The following CFAP299 variants were observed in gnomAD, a reference collection of about 807,000 sequenced individuals.
CFAP299 encodes cilia- and flagella-associated protein 299.
In CFAP299, 21 loss-of-function variants were observed where a neutral mutation model predicts 27.0. The ratio of observed to expected loss-of-function variants is 0.78; its 90% CI spans 0.55 to 1.12. The LOEUF is 1.12. Ranked by LOEUF, CFAP299 falls within the 50% of genes most tolerant of loss-of-function variation. The pLI, the probability that CFAP299 is intolerant of heterozygous loss-of-function variation, is 0.00. For missense variants in CFAP299, 310 were observed against 276.6 expected, an observed-to-expected ratio of 1.12 and a Z score of -0.86; for synonymous variants, 104 against 98.1, an observed-to-expected ratio of 1.06 and a Z score of -0.36.
chr4:80,505,887 A>G (rs1732005390), intron 2 of CFAP299, among the ~76,000 whole-genome samples: 1 of 152,104 alleles, frequency 6.6e-6, no homozygotes, highest in East Asian at 1.9e-4. Flanking sequence ...TGAGGTCAGG[A>G]GCTGGAGGCT....
At chr4:80,355,689 T>C (rs1481674267) in intron 1 of CFAP299, among the ~76,000 whole-genome samples, 1 of 152,176 alleles carries the variant, frequency 6.6e-6, no homozygotes, top group Non-Finnish European at 1.5e-5. Flanking sequence ...TGCTGGTTAT[T>C]AAACCTCTGT....
intron 4 of CFAP299, among the ~76,000 whole-genome samples, chr4:80,943,410 G>A (rs1423394036): frequency 6.6e-6 from 1 of 152,054 alleles, no homozygotes; most frequent in Non-Finnish European, 1.5e-5. Flanking sequence ...ATATAATTCA[G>A]TAAGTTTAAA....
chr4:80,627,290 G>A (rs1011476420), intron 3 of CFAP299, among the ~76,000 whole-genome samples: 2 of 151,834 alleles, frequency 1.3e-5, no homozygotes, highest in Admixed American at 6.6e-5. Context: ...GAAAAATTTG[G>A]CATCCTTTCA....
intron 4 of CFAP299, among the ~76,000 whole-genome samples, chr4:80,939,844 G>A (rs755225057): frequency 6.6e-6 from 1 of 151,932 alleles, no homozygotes; most frequent in African/African-American, 2.4e-5. Flanking sequence ...CTTTTTTATG[G>A]GTTTGCCCAC....
intron 2 of CFAP299, among the ~76,000 whole-genome samples, chr4:80,497,504 T>C (rs1202989085): frequency 6.6e-6 from 1 of 152,150 alleles, no homozygotes. Context: ...GTGATATATG[T>C]ATGCATATAT....
chr4:80,661,316 A>G (rs1453382807), intron 3 of CFAP299, among the ~76,000 whole-genome samples: 3 of 139,802 alleles, frequency 2.1e-5, no homozygotes, highest in Non-Finnish European at 4.6e-5. Context: ...ACAGAGCACA[A>G]CTCCATCTCA....
Position 80,888,330 on chromosome 4 carries a change from G to A in CFAP299, c.476+18195G>A, listed in dbSNP as rs535327287. On this transcript the variant is annotated intron_variant, in intron 4 of 5. Transcript: ENST00000358105. The stretch of plus-strand genomic sequence containing the variant: ...CTAACGGAAACCAAAAAATGATCAG[G>A]AGTAGTTATACTTATGTTGAACAAA... Among the ~76,000 whole-genome samples the A allele has an allele frequency of 3.9e-5, 6 of 152,106 alleles. No individual in the cohort carries two copies. The East Asian group carries it at 1.2e-3, about 29-fold the overall frequency.
At chr4:80,354,331 A>G (rs973227679) in intron 1 of CFAP299, among the ~76,000 whole-genome samples, 1 of 152,202 alleles carries the variant, frequency 6.6e-6, no homozygotes, top group African/African-American at 2.4e-5. Context: ...TATTGTATAT[A>G]TACTTAATGG....
intron 4 of CFAP299, among the ~76,000 whole-genome samples, chr4:80,913,452 A>G (rs916771471): frequency 4.6e-5 from 7 of 152,202 alleles, no homozygotes; most frequent in Admixed American, 2.0e-4. Context: ...CTCACACTTC[A>G]TTGCAGCTAG....
rs1560416069 is a variant in CFAP299 at position 80,799,204 on chromosome 4, A to ATACAATATT, written c.334-70787_334-70786insCAATATTTA. On this transcript the variant is annotated intron_variant, in intron 3 of 5. Transcript: ENST00000358105. The stretch of plus-strand genomic sequence containing the variant: ...GTATAAATATATTTATATAATATTT[A>ATACAATATT]TATATATATTGTATAAATATATTTA... Among the ~76,000 whole-genome samples, 34 of 109,770 alleles carry ATACAATATT rather than the reference A, an allele frequency of 3.1e-4. 2 individuals are homozygous for ATACAATATT. The highest frequency in any genetic ancestry group is 1.2e-3 in the African/African-American group (33 of 28,024). The allele number at this position is 109,770 out of a possible 152,430, so 72.0% of individuals were successfully genotyped here.
At chr4:80,435,982 A>G (rs967655684) in intron 2 of CFAP299, among the ~76,000 whole-genome samples, 1 of 152,152 alleles carries the variant, frequency 6.6e-6, no homozygotes, top group Non-Finnish European at 1.5e-5. Context: ...GATGAGAGGG[A>G]CTTTCAGCTG....
intron 3 of CFAP299, among the ~76,000 whole-genome samples, chr4:80,843,425 C>G (rs1328905587): frequency 1.3e-5 from 2 of 152,128 alleles, no homozygotes; most frequent in Non-Finnish European, 2.9e-5. Context: ...CTTTTTAAGG[C>G]TGCATAGTAT....
intron 2 of CFAP299, among the ~76,000 whole-genome samples, chr4:80,546,685 G>A (rs1350291417): frequency 6.6e-6 from 1 of 151,948 alleles, no homozygotes; most frequent in Non-Finnish European, 1.5e-5. Context: ...GTTGTAATGT[G>A]TGGCACTTCA....
intron 2 of CFAP299, among the ~76,000 whole-genome samples, chr4:80,518,259 G>A (rs934001742): frequency 4.6e-5 from 7 of 152,220 alleles, no homozygotes; most frequent in Admixed American, 1.3e-4. Context: ...AAATGATCAA[G>A]AGACTCGTAG....
At chr4:80,352,085 T>C (rs1417552201) in intron 1 of CFAP299, among the ~76,000 whole-genome samples, 1 of 152,058 alleles carries the variant, frequency 6.6e-6, no homozygotes, top group Non-Finnish European at 1.5e-5. Context: ...CTTTTTAATA[T>C]AGATAAATGA....
intron 3 of CFAP299, among the ~76,000 whole-genome samples, chr4:80,788,601 C>T (rs541695333): frequency 6.6e-6 from 1 of 152,018 alleles, no homozygotes; most frequent in African/African-American, 2.4e-5. Context: ...GTGATAAGCT[C>T]ATTAGCTAGA....
At chr4:80,714,241 A>G (rs1428980359) in intron 3 of CFAP299, among the ~76,000 whole-genome samples, 5 of 152,110 alleles carry the variant, frequency 3.3e-5, no homozygotes, top group Non-Finnish European at 5.9e-5. Context: ...AGAGGAAAAG[A>G]GAGAGAAGCT....
At chr4:80,750,718 C>A (rs181451812) in intron 3 of CFAP299, among the ~76,000 whole-genome samples, 4 of 152,214 alleles carry the variant, frequency 2.6e-5, no homozygotes, top group African/African-American at 9.6e-5. Context: ...GTGAAGATAT[C>A]AGATAAAAAA....
chr4:80,536,047 T>A (rs1733725385), intron 2 of CFAP299, among the ~76,000 whole-genome samples: 1 of 152,166 alleles, frequency 6.6e-6, no homozygotes, highest in Non-Finnish European at 1.5e-5. Flanking sequence ...GGAGGTCACA[T>A]AATAGCTATC....
Sources: gnomAD v4.1 joint callset for allele counts (sites outside exome capture counted in the v4.1 genomes callset) on GRCh38, gnomAD v4.1.1 for gene constraint, MANE v1.5 for transcripts, NCBI Gene and HGNC (gene_info 2026-07-23, HGNC 2026-07-21) for gene names.